The following EML5 variants were observed in gnomAD, a reference collection of about 807,000 sequenced individuals.
EML5 encodes the protein echinoderm microtubule-associated protein-like 5.
In EML5, 120 loss-of-function variants were observed where a neutral mutation model predicts 250.0. The observed-to-expected ratio is 0.48, with a 90% CI of 0.41 to 0.56. EML5 has a LOEUF of 0.56. EML5 is among the 20% of genes least tolerant of loss of function. EML5 has a pLI of 0.00. For synonymous variants in EML5, 771 were observed against 806.5 expected, an observed-to-expected ratio of 0.96 and a Z score of 0.75; for missense variants, 2,006 against 2,437.6, an observed-to-expected ratio of 0.82 and a Z score of 3.73.
At chr14:88,643,524 T>C (rs1339420850) in intron 30 of EML5, among the ~76,000 whole-genome samples, 1 of 152,214 alleles carries the variant, frequency 6.6e-6, no homozygotes, top group Non-Finnish European at 1.5e-5. Flanking sequence ...CAAATTACTA[T>C]GCCATTTTAT....
chr14:88,768,647 G>A (rs2094351617), intron 1 of EML5, among the ~76,000 whole-genome samples: 1 of 152,064 alleles, frequency 6.6e-6, no homozygotes, highest in Non-Finnish European at 1.5e-5. Flanking sequence ...CCTGACCTCA[G>A]GTGACCCACC....
chr14:88,737,978 C>A (rs1395037238), intron 6 of EML5, among the ~76,000 whole-genome samples: 1 of 152,094 alleles, frequency 6.6e-6, no homozygotes, highest in African/African-American at 2.4e-5. Flanking sequence ...TCTGCCTACT[C>A]CTGAATGTCT....
At chr14:88,665,311 TC>T in intron 22 of EML5, 25 bp downstream of exon 22, 13 of 1,595,056 alleles carry the variant, frequency 8.2e-6, no homozygotes, top group Non-Finnish European at 1.0e-5. Flanking sequence ...AAGTTAATAC[TC>T]AAATACAATT....
chr14:88,718,132 G>A (rs1566691326), intron 8 of EML5, among the ~76,000 whole-genome samples: 4 of 152,054 alleles, frequency 2.6e-5, no homozygotes, highest in African/African-American at 7.2e-5. Context: ...ACTAGGATAC[G>A]GCCCATAGAC....
intron 29 of EML5, among the ~76,000 whole-genome samples, chr14:88,645,574 C>T (rs1335047331): frequency 6.6e-6 from 1 of 152,138 alleles, no homozygotes; most frequent in Non-Finnish European, 1.5e-5. Flanking sequence ...CTGTTAGCAA[C>T]ATAAATCACA....
intron 36 of EML5, chr14:88,622,997 C>A: frequency 8.1e-6 from 2 of 246,260 alleles, no homozygotes; most frequent in Non-Finnish European, 1.5e-5. Flanking sequence ...CATTACAATA[C>A]ATTATCCTCT....
At chr14:88,633,248 T>A (rs2090537029) in intron 33 of EML5, among the ~76,000 whole-genome samples, 1 of 152,184 alleles carries the variant, frequency 6.6e-6, no homozygotes. Context: ...TTTCTTGCCA[T>A]CTCATCTCAA....
intron 14 of EML5, among the ~76,000 whole-genome samples, chr14:88,699,313 A>T (rs2141385455): frequency 6.6e-6 from 1 of 152,236 alleles, no homozygotes; most frequent in Non-Finnish European, 1.5e-5. Context: ...GTTTACAAAG[A>T]GGCAAATAGA....
At chr14:88,774,442 CAAT>C (rs2094428699) in intron 1 of EML5, among the ~76,000 whole-genome samples, 1 of 152,126 alleles carries the variant, frequency 6.6e-6, no homozygotes, top group Non-Finnish European at 1.5e-5. Context: ...TTTTGTGTAC[CAAT>C]AATGACATGA....
chr14:88,678,863 A>G (rs1361316006), intron 21 of EML5, among the ~76,000 whole-genome samples: 1 of 152,104 alleles, frequency 6.6e-6, no homozygotes, highest in East Asian at 1.9e-4. Flanking sequence ...ATGACCACAA[A>G]CTGTGTGTCC....
chr14:88,729,226 T>TTC (rs1179529635), intron 7 of EML5, among the ~76,000 whole-genome samples: 1 of 152,164 alleles, frequency 6.6e-6, no homozygotes, highest in African/African-American at 2.4e-5. Context: ...TGACCAAGAC[T>TTC]TCTAGTCTAT....
chr14:88,739,990 C>G (rs920282355), intron 5 of EML5, among the ~76,000 whole-genome samples: 2 of 152,248 alleles, frequency 1.3e-5, no homozygotes, highest in South Asian at 2.1e-4. Flanking sequence ...AGAATTTAAA[C>G]AGCAGATTTC....
At chr14:88,721,555 G>T (rs574037476) in intron 8 of EML5, among the ~76,000 whole-genome samples, 1 of 152,234 alleles carries the variant, frequency 6.6e-6, no homozygotes, top group Non-Finnish European at 1.5e-5. Context: ...GGGAAAACTG[G>T]CCAGCTATAT....
At chr14:88,729,603 C>T (rs1232518452) in intron 7 of EML5, among the ~76,000 whole-genome samples, 1 of 151,372 alleles carries the variant, frequency 6.6e-6, no homozygotes, top group Non-Finnish European at 1.5e-5. Flanking sequence ...ACTTTGTCAC[C>T]CAGGCTGTAG....
rs553225733 is a variant in EML5, at chr14:88,777,724, C to G, written c.197+14583G>C. 1.4e-4 allele frequency among the ~76,000 whole-genome samples: 22 copies of G among 152,332 alleles called. No individual in the cohort carries two copies. In the South Asian group the frequency reaches 3.5e-3, roughly 24 times the overall value. On this transcript the variant is annotated intron_variant, in intron 1 of 43. Transcript: ENST00000554922. ...GGGCACAGTGGCTCATGCCTGTAATCCCGGCACTTTGGGAGCTGAGGCAGG... is the reference window on the plus strand; with the variant it reads ...GGGCACAGTGGCTCATGCCTGTAATGCCGGCACTTTGGGAGCTGAGGCAGG...
chr14:88,677,526 T>C (rs1474640879), intron 21 of EML5, among the ~76,000 whole-genome samples: 1 of 152,166 alleles, frequency 6.6e-6, no homozygotes, highest in African/African-American at 2.4e-5. Flanking sequence ...ACCTACAGAA[T>C]GGGAGAAAAT....
At chr14:88,760,785 A>T (rs2094229079) in intron 1 of EML5, among the ~76,000 whole-genome samples, 1 of 152,168 alleles carries the variant, frequency 6.6e-6, no homozygotes, top group Non-Finnish European at 1.5e-5. Context: ...TCCAATCCAT[A>T]AACATAGTAC....
At chr14:88,709,801 G>A (rs1211456149) in intron 10 of EML5, among the ~76,000 whole-genome samples, 5 of 152,100 alleles carry the variant, frequency 3.3e-5, no homozygotes, top group African/African-American at 1.2e-4. Context: ...ATGAATTGCA[G>A]CATATACTTA....
intron 10 of EML5, among the ~76,000 whole-genome samples, chr14:88,707,318 G>A (rs1595600631): frequency 1.4e-5 from 2 of 147,492 alleles, no homozygotes; most frequent in South Asian, 4.2e-4. Flanking sequence ...GGCAGAGACA[G>A]GGTCTTGCTA....
Sources: allele counts gnomAD v4.1 joint callset (sites outside exome capture counted in the v4.1 genomes callset), GRCh38; gene constraint gnomAD v4.1.1; transcripts MANE v1.5; gene names NCBI Gene and HGNC (gene_info 2026-07-23, HGNC 2026-07-21).